Variants in SPMIP4 observed in about 807,000 individuals in gnomAD.
SPMIP4 encodes the protein sperm microtubule inner protein 4.
chr7:25,129,125 C>T, the SPMIP4 span, among the ~76,000 whole-genome samples: 6 of 152,332 alleles, frequency 3.9e-5, no homozygotes, highest in South Asian at 1.0e-3. Flanking sequence ...GCAAGCATTC[C>T]CTTGGCCTCC....
chr7:25,175,090 G>T, the SPMIP4 span, among the ~76,000 whole-genome samples: 1 of 152,096 alleles, frequency 6.6e-6, no homozygotes, highest in Non-Finnish European at 1.5e-5. Flanking sequence ...AAAAAATGCA[G>T]ATTCCCTTGC....
chr7:25,155,281 C>A, the SPMIP4 span: 1 of 1,226,890 alleles, frequency 8.2e-7, no homozygotes, highest in Middle Eastern at 2.6e-4. Flanking sequence ...TATTGGGACC[C>A]TTTTTTAAAT....
the SPMIP4 span, chr7:25,125,956 A>G: frequency 1.0e-6 from 1 of 985,278 alleles, no homozygotes; most frequent in Non-Finnish European, 1.2e-6. Context: ...TTTGCGGCAG[A>G]GACAGGATTA....
At chr7:25,136,764 A>G in the SPMIP4 span, 1 of 1,612,454 alleles carries the variant, frequency 6.2e-7, no homozygotes, top group Non-Finnish European at 8.5e-7. The surrounding 1 kb of genome is among the most constrained non-coding windows in gnomAD (Gnocchi z 5.7). Context: ...ACGGTCTGGG[A>G]GGTTTGAAGA....
chr7:25,127,942 T>G, the SPMIP4 span, among the ~76,000 whole-genome samples: 1 of 152,258 alleles, frequency 6.6e-6, no homozygotes, highest in Non-Finnish European at 1.5e-5. Context: ...TCAGTAAAAC[T>G]ATAGCTTTTG....
the SPMIP4 span, among the ~76,000 whole-genome samples, chr7:25,143,396 T>A: frequency 5.3e-5 from 8 of 152,184 alleles, no homozygotes. Flanking sequence ...TTTCTCAGTA[T>A]CTCTCTTATG....
the SPMIP4 span, among the ~76,000 whole-genome samples, chr7:25,147,369 G>T: frequency 6.6e-6 from 1 of 152,184 alleles, no homozygotes; most frequent in Non-Finnish European, 1.5e-5. Context: ...GTAACAGATG[G>T]AAACGGTCAG....
the SPMIP4 span, chr7:25,161,312 T>A: frequency 1.0e-6 from 1 of 1,003,356 alleles, no homozygotes; most frequent in African/African-American, 1.6e-5. Flanking sequence ...TAACACAATA[T>A]AATGGTGAGA....
chr7:25,164,386 G>A, the SPMIP4 span, among the ~76,000 whole-genome samples: 8 of 152,260 alleles, frequency 5.3e-5, no homozygotes, highest in South Asian at 1.7e-3. Context: ...ACACAATGAT[G>A]GGGGAAAGGA....
chr7:25,142,266 C>T, the SPMIP4 span: 18 of 1,613,084 alleles, frequency 1.1e-5, no homozygotes, highest in South Asian at 7.7e-5. Context: ...TCCTATCTTT[C>T]GTGTTAACTC....
the SPMIP4 span, chr7:25,136,131 C>G: frequency 2.7e-5 from 43 of 1,614,128 alleles, no homozygotes; most frequent in African/African-American, 5.6e-4. The surrounding 1 kb of genome is among the most constrained non-coding windows in gnomAD (Gnocchi z 5.7). Flanking sequence ...GCAGGTTGGT[C>G]TGAGGTTTGG....
At chr7:25,136,160 T>C in the SPMIP4 span, 1 of 1,614,192 alleles carries the variant, frequency 6.2e-7, no homozygotes, top group Non-Finnish European at 8.5e-7. This position sits in a 1 kb window ranked among gnomAD's most constrained non-coding sequence, Gnocchi z 5.7. Context: ...GCTCTAGGAA[T>C]CCAACCAAGA....
chr7:25,157,070 A>C, the SPMIP4 span, among the ~76,000 whole-genome samples: 621 of 152,276 alleles, frequency 4.1e-3, 9 homozygotes, highest in African/African-American at 0.014. Flanking sequence ...AAAAAAAAAG[A>C]AAGCCAAAAC....
the SPMIP4 span, among the ~76,000 whole-genome samples, chr7:25,169,663 C>A: frequency 2.9e-3 from 445 of 152,240 alleles, 1 homozygote; most frequent in African/African-American, 0.01. Context: ...CTCTACCTCA[C>A]CTCAGGGTTC....
the SPMIP4 span, among the ~76,000 whole-genome samples, chr7:25,170,556 T>C: frequency 6.6e-6 from 1 of 152,356 alleles, no homozygotes; most frequent in African/African-American, 2.4e-5. Context: ...TGATCTGTTT[T>C]TCCTTTTATT....
the SPMIP4 span, among the ~76,000 whole-genome samples, chr7:25,137,584 T>C: frequency 6.6e-6 from 1 of 152,106 alleles, no homozygotes; most frequent in African/African-American, 2.4e-5. Flanking sequence ...TCCTGCCTCT[T>C]CCCAAGATTC....
the SPMIP4 span, among the ~76,000 whole-genome samples, chr7:25,148,553 C>T: frequency 7.0e-6 from 1 of 143,650 alleles, no homozygotes; most frequent in Non-Finnish European, 1.5e-5. Context: ...CGGGTCACTG[C>T]AGCCTCTGCC....
the SPMIP4 span, among the ~76,000 whole-genome samples, chr7:25,163,718 C>CT: frequency 6.6e-6 from 1 of 152,154 alleles, no homozygotes; most frequent in Non-Finnish European, 1.5e-5. This position sits in a 1 kb window ranked among gnomAD's most constrained non-coding sequence, Gnocchi z 4.4. Flanking sequence ...CCTGGATGTA[C>CT]TAGTCAGCCA....
At chr7:25,149,156 G>C in the SPMIP4 span, among the ~76,000 whole-genome samples, 5 of 152,208 alleles carry the variant, frequency 3.3e-5, no homozygotes, top group African/African-American at 4.8e-5. Context: ...AAACTTAAAA[G>C]ACATGAGGAG....
Sources: gnomAD v4.1 joint callset for allele counts (sites outside exome capture counted in the v4.1 genomes callset) on GRCh38, gnomAD v4.1.1 for gene constraint, Gnocchi (gnomAD v3.1) non-coding constraint, MANE v1.5 for transcripts, NCBI Gene and HGNC (gene_info 2026-07-23, HGNC 2026-07-21) for gene names.